ESRRG: variants seen among roughly 807,000 people sequenced by gnomAD.
ESRRG encodes the protein estrogen-related receptor gamma.
Under a neutral mutation model 44.0 loss-of-function variants are expected in ESRRG, and 13 were observed. That is an observed-to-expected ratio of 0.30 (90% confidence interval 0.19 to 0.47). The LOEUF is 0.47. ESRRG is among the 20% of genes least tolerant of loss of function. The probability of loss-of-function intolerance (pLI) is 1.00; values close to 1 mark genes in which losing one functional copy is unlikely to be tolerated. For missense variants in ESRRG, 395 were observed against 580.6 expected, an observed-to-expected ratio of 0.68 and a Z score of 3.29; for synonymous variants, 215 against 214.6, an observed-to-expected ratio of 1.00 and a Z score of -0.02.
intron 1 of ESRRG, among the ~76,000 whole-genome samples, chr1:217,129,287 A>G (rs1038997409): frequency 6.6e-6 from 1 of 152,254 alleles, no homozygotes; most frequent in Non-Finnish European, 1.5e-5. Flanking sequence ...AACAACAGTG[A>G]ATTACCACTT....
At chr1:216,546,221 T>C (rs2054466967) in intron 5 of ESRRG, among the ~76,000 whole-genome samples, 1 of 152,078 alleles carries the variant, frequency 6.6e-6, no homozygotes, top group Non-Finnish European at 1.5e-5. Flanking sequence ...CATTACCAAA[T>C]GTTCCCTGTG....
chr1:216,775,559 T>C (rs1381148245), intron 2 of ESRRG, among the ~76,000 whole-genome samples: 1 of 41,246 alleles, frequency 2.4e-5, no homozygotes, highest in Non-Finnish European at 3.9e-5. Flanking sequence ...ATCTTTTTTT[T>C]TTTTTTTTTT....
At chr1:216,827,674 T>C (rs978177318) in intron 2 of ESRRG, among the ~76,000 whole-genome samples, 11 of 152,188 alleles carry the variant, frequency 7.2e-5, no homozygotes, top group African/African-American at 2.4e-4. Context: ...ATTGGTCAAA[T>C]GTACAAATGA....
chr1:216,804,222 A>G (rs1464172606), intron 2 of ESRRG, among the ~76,000 whole-genome samples: 1 of 152,102 alleles, frequency 6.6e-6, no homozygotes, highest in Non-Finnish European at 1.5e-5. Flanking sequence ...ATGTCTCGTC[A>G]ATATCTCATT....
At chr1:216,750,124 T>C (rs2091862477) in intron 2 of ESRRG, among the ~76,000 whole-genome samples, 1 of 152,166 alleles carries the variant, frequency 6.6e-6, no homozygotes, top group Non-Finnish European at 1.5e-5. Flanking sequence ...TTGATTATCA[T>C]CCATTGCAGT....
chr1:216,534,328 T>C (rs958738527), intron 5 of ESRRG, among the ~76,000 whole-genome samples: 3 of 152,058 alleles, frequency 2.0e-5, no homozygotes, highest in Non-Finnish European at 4.4e-5. Flanking sequence ...AGTGCATTAT[T>C]TAAAGGGCAG....
At chr1:216,757,790 A>T in intron 2 of ESRRG, among the ~76,000 whole-genome samples, 1 of 151,950 alleles carries the variant, frequency 6.6e-6, no homozygotes, top group Non-Finnish European at 1.5e-5. Context: ...ATATCTGTAC[A>T]CAGTTCTGTA....
At chr1:216,701,073 G>C (rs1043607937) in intron 1 of ESRRG, among the ~76,000 whole-genome samples, 1 of 152,164 alleles carries the variant, frequency 6.6e-6, no homozygotes, top group Non-Finnish European at 1.5e-5. Context: ...TAAAATCTCA[G>C]TTTTGTACTT....
At chr1:216,931,217 T>C (rs539039405) in intron 2 of ESRRG, among the ~76,000 whole-genome samples, 1 of 152,330 alleles carries the variant, frequency 6.6e-6, no homozygotes, top group Admixed American at 6.5e-5. Flanking sequence ...TCCTTGTCCC[T>C]TGTCCATCCC....
At chr1:216,832,051 C>G (rs2095495911) in intron 2 of ESRRG, among the ~76,000 whole-genome samples, 2 of 152,170 alleles carry the variant, frequency 1.3e-5, no homozygotes, top group South Asian at 4.1e-4. Context: ...CCTCTGGGCT[C>G]TCTCATGTTA....
intron 1 of ESRRG, among the ~76,000 whole-genome samples, chr1:217,016,594 T>C (rs2079420241): frequency 6.6e-6 from 1 of 152,166 alleles, no homozygotes; most frequent in African/African-American, 2.4e-5. Context: ...TAGGGGAAAG[T>C]ATCTGGGCTG....
chr1:216,608,319 T>C lies in ESRRG; in HGVS notation c.590-40221A>G, dbSNP rs114796804. Reference sequence around the variant, plus strand: ...CCTGAAACAATGCGTATTTCATGTATGCATAGTTGCCCTGGTCTCATTGCT... The same window carrying C: ...CCTGAAACAATGCGTATTTCATGTACGCATAGTTGCCCTGGTCTCATTGCT... On this transcript the variant is annotated intron_variant, in intron 3 of 6. Coordinates refer to ENST00000408911, the MANE Select transcript of ESRRG (RefSeq NM_001438.4). Among the ~76,000 whole-genome samples the C allele has an allele frequency of 1.5e-3, 235 of 152,368 alleles. 1 individual carries two copies. Among genetic ancestry groups the C allele is most frequent in the Admixed American group, 3.1e-3 (47 of 15,302 alleles).
intron 1 of ESRRG, among the ~76,000 whole-genome samples, chr1:217,078,910 A>G (rs941849902): frequency 1.3e-5 from 2 of 152,128 alleles, no homozygotes; most frequent in Non-Finnish European, 2.9e-5. Flanking sequence ...CCATTTTAGT[A>G]TTGTTCTTTA....
intron 1 of ESRRG, among the ~76,000 whole-genome samples, chr1:217,115,824 C>T (rs2092718526): frequency 6.6e-6 from 1 of 152,142 alleles, no homozygotes; most frequent in African/African-American, 2.4e-5. Flanking sequence ...ATATTGCTCA[C>T]TAAGTATCTC....
intron 1 of ESRRG, among the ~76,000 whole-genome samples, chr1:216,946,268 A>C (rs556442321): frequency 3.9e-5 from 6 of 152,310 alleles, no homozygotes; most frequent in African/African-American, 1.2e-4. Flanking sequence ...CTCCCAAGTA[A>C]AACCAAGCAA....
chr1:216,897,203 C>A (rs926894345), intron 2 of ESRRG, among the ~76,000 whole-genome samples: 2 of 152,144 alleles, frequency 1.3e-5, no homozygotes, highest in African/African-American at 2.4e-5. Flanking sequence ...AGTGGATTTG[C>A]CATACAAAGT....
chr1:217,053,133 T>TAAAAAAAAAAAAAAAAAAAA lies in ESRRG; in HGVS notation c.-106+36354_-106+36373dup, dbSNP rs71303007. Among the ~76,000 whole-genome samples the TAAAAAAAAAAAAAAAAAAAA allele has an allele frequency of 2.9e-3, 343 of 118,926 alleles. 2 individuals are homozygous for TAAAAAAAAAAAAAAAAAAAA. Among genetic ancestry groups the TAAAAAAAAAAAAAAAAAAAA allele is most frequent in the Middle Eastern group, 4.5e-3 (1 of 224 alleles). The allele number at this position is 118,926 out of a possible 152,430, so 78.0% of individuals were successfully genotyped here. A position where few individuals can be genotyped will look rare whatever the true frequency, so the allele number is the denominator to read the frequency against. ...GAGGTAACATAGCAAAATCCCATCTTAAAAAAAAAAAAAAAAAAAACAGAA... is the reference window on the plus strand; with the variant it reads ...GAGGTAACATAGCAAAATCCCATCTTAAAAAAAAAAAAAAAAAAAAAAAAAAAAAAAAAAAAAAAACAGAA... On this transcript the variant is annotated intron_variant, in intron 1 of 7. Transcript: ENST00000359162.
At chr1:216,821,309 A>C in intron 2 of ESRRG, among the ~76,000 whole-genome samples, 1 of 152,184 alleles carries the variant, frequency 6.6e-6, no homozygotes, top group African/African-American at 2.4e-5. Context: ...ATTTGCTGGG[A>C]AATATTCTAA....
intron 2 of ESRRG, among the ~76,000 whole-genome samples, chr1:216,730,024 C>T (rs1340177855): frequency 6.6e-6 from 1 of 152,108 alleles, no homozygotes. Flanking sequence ...AAATCAGGCT[C>T]AGAATGGTTA....
Sources: gnomAD v4.1 joint callset for allele counts (sites outside exome capture counted in the v4.1 genomes callset) on GRCh38, gnomAD v4.1.1 for gene constraint, MANE v1.5 for transcripts, NCBI Gene and HGNC (gene_info 2026-07-23, HGNC 2026-07-21) for gene names.